INTU: variants seen among roughly 807,000 people sequenced by gnomAD.
INTU encodes protein inturned.
In INTU, 68 loss-of-function variants were observed where a neutral mutation model predicts 100.5. That is an observed-to-expected ratio of 0.68 (90% CI 0.56 to 0.83). The LOEUF is 0.83. Among genes scored for constraint, INTU ranks in the 40% least tolerant of loss-of-function variants. INTU has a pLI of 0.00. For synonymous variants in INTU, 357 were observed against 395.7 expected, an observed-to-expected ratio of 0.90 and a Z score of 1.16; for missense variants, 1,071 against 1,114.7, an observed-to-expected ratio of 0.96 and a Z score of 0.56.
At chr4:127,711,913 GA>G (rs1731110331) in intron 14 of INTU, among the ~76,000 whole-genome samples, 1 of 152,102 alleles carries the variant, frequency 6.6e-6, no homozygotes, top group Non-Finnish European at 1.5e-5. Flanking sequence ...AAGTTTCATT[GA>G]ATGTTGTTAT....
intron 6 of INTU, among the ~76,000 whole-genome samples, chr4:127,678,187 A>G (rs905890870): frequency 6.6e-6 from 1 of 152,206 alleles, no homozygotes; most frequent in African/African-American, 2.4e-5. Context: ...GCAGAATATT[A>G]TCCAGGAGAA....
intron 8 of INTU, among the ~76,000 whole-genome samples, chr4:127,695,436 C>T (rs1730340453): frequency 6.6e-6 from 1 of 151,970 alleles, no homozygotes; most frequent in African/African-American, 2.4e-5. Context: ...TGAAACCCTA[C>T]CTGTACCAAA....
chr4:127,667,871 C>T (rs945516780), intron 4 of INTU, among the ~76,000 whole-genome samples: 1 of 151,964 alleles, frequency 6.6e-6, no homozygotes, highest in South Asian at 2.1e-4. Context: ...GCAGATGTCT[C>T]CACTTTATTT....
At chr4:127,646,863 T>C (rs533627546) in intron 2 of INTU, among the ~76,000 whole-genome samples, 1 of 152,312 alleles carries the variant, frequency 6.6e-6, no homozygotes, top group East Asian at 1.9e-4. Flanking sequence ...GTAAATGCAT[T>C]GGCAGAAAAC....
chr4:127,636,177 G>A (rs1578518424), intron 1 of INTU, among the ~76,000 whole-genome samples: 1 of 152,214 alleles, frequency 6.6e-6, no homozygotes, highest in Non-Finnish European at 1.5e-5. Context: ...GCTGAGGCGG[G>A]AGGATCACTT....
intron 6 of INTU, chr4:127,675,963 G>C (rs1316476855): frequency 3.6e-6 from 1 of 280,070 alleles, no homozygotes; most frequent in Non-Finnish European, 7.8e-6. Context: ...CTCACTTCTT[G>C]AGGGGAAGAG....
At chr4:127,677,164 G>A (rs1176072331) in intron 6 of INTU, among the ~76,000 whole-genome samples, 1 of 152,182 alleles carries the variant, frequency 6.6e-6, no homozygotes, top group African/African-American at 2.4e-5. Flanking sequence ...CTCCACCTCT[G>A]GGGGCAGGGC....
intron 5 of INTU, 55 bp downstream of exon 5, chr4:127,669,209 C>A: frequency 3.7e-6 from 3 of 801,858 alleles, no homozygotes; most frequent in Admixed American, 2.3e-5. Flanking sequence ...TTTATTTCAC[C>A]CTGACAAAAT....
chr4:127,648,261 C>T (rs753677880), intron 2 of INTU, among the ~76,000 whole-genome samples: 4 of 152,032 alleles, frequency 2.6e-5, no homozygotes, highest in Non-Finnish European at 4.4e-5. Flanking sequence ...GTGCGATGTC[C>T]GGGAAGCCAG....
chr4:127,716,350 C>A lies in INTU; in HGVS notation c.2743C>A (p.Gln915Lys). The A allele has an allele frequency of 6.3e-7, 1 of 1,577,022 alleles. No homozygotes were observed. The highest frequency in any genetic ancestry group is 1.8e-5 in the Admixed American group (1 of 54,662). Residue 915 changes from glutamine (Q) to lysine (K), a missense_variant, in exon 16 of 16, where the codon CAA (glutamine) becomes AAA (lysine). Coordinates refer to ENST00000335251, the MANE Select transcript of INTU (RefSeq NM_015693.4). Reference sequence around the variant, plus strand: ...GAGACTTTTTCTTCATCCAAAACCTCAAGAACTTTATGTCTGTTTTCATGA... The same window carrying A: ...GAGACTTTTTCTTCATCCAAAACCTAAAGAACTTTATGTCTGTTTTCATGA... ...VGRLFLHPKP[Q>K]ELYVCFHDSV...
In INTU at chr4:127,700,056, C is replaced by T; in HGVS notation, c.1496C>T (p.Ala499Val). ...AGTGACTTGGAGGCTGCAGATTTTG[C>T]AGAACTGGTAAGGGAAGGAGTGGAT... ...ALSDLEAADF[A>V]ELSEDYYDMR... The change falls in exon 9 of 16, where the codon GCA (alanine) becomes GTA (valine). Residue 499 changes from alanine (A) to valine (V), a missense_variant. Ala to Val is a moderately conservative substitution (Grantham distance 64). Coordinates refer to ENST00000335251, the MANE Select transcript of INTU (RefSeq NM_015693.4). The T allele has an allele frequency of 6.2e-7, 1 of 1,601,378 alleles. No individual in the cohort carries two copies. Among genetic ancestry groups the T allele is most frequent in the Admixed American group, 1.7e-5 (1 of 58,554 alleles).
rs1222276889 is a variant in INTU, at chr4:127,723,367, T to G, written c.*6931T>G. 6.7e-6 allele frequency: 1 copy of G among 149,492 alleles called. No homozygotes were observed. Among genetic ancestry groups the G allele is most frequent in the Non-Finnish European group, 1.5e-5 (1 of 67,618 alleles). The allele number at this position is 149,492 out of a possible 1,614,324, so 9.3% of individuals were successfully genotyped here. A position where few individuals can be genotyped will look rare whatever the true frequency, so the allele number is the denominator to read the frequency against. On this transcript the variant is annotated 3_prime_UTR_variant, in exon 16 of 16. Coordinates refer to ENST00000335251, the MANE Select transcript of INTU (RefSeq NM_015693.4). The stretch of plus-strand genomic sequence containing the variant: ...GAGCAGAGCTGCCTCTCTTTGACCA[T>G]CTGGGCTCTCTGTTCTACTTTTTTT...
chr4:127,633,183 A>G lies in INTU; in HGVS notation c.146+3A>G. 6.2e-7 allele frequency: 1 copy of G among 1,611,820 alleles called. No individual in the cohort carries two copies. Among genetic ancestry groups the G allele is most frequent in the South Asian group, 1.1e-5 (1 of 91,000 alleles). ...TCCTCAGCGAGTAGCGATTATGAGT[A>G]AGGTTTTCAAAGAGGGACAATTAAT... On this transcript the variant is annotated splice_donor_region_variant and intron_variant, in intron 1 of 15. Transcript: ENST00000335251.
intron 15 of INTU, among the ~76,000 whole-genome samples, 180 bp from the exon 16 acceptor site, chr4:127,716,145 G>A (rs968731007): frequency 2.6e-5 from 4 of 152,036 alleles, no homozygotes; most frequent in African/African-American, 9.7e-5. Context: ...TTGACCTAAG[G>A]CATATATTAT....
At chr4:127,648,893 A>G (rs1402561125) in intron 2 of INTU, among the ~76,000 whole-genome samples, 1 of 151,988 alleles carries the variant, frequency 6.6e-6, no homozygotes, top group Non-Finnish European at 1.5e-5. Context: ...TTTTAAGAAA[A>G]GTTTGTCCAA....
chr4:127,706,385 A>C, intron 11 of INTU, 102 bp from the exon 12 acceptor site: 3 of 924,476 alleles, frequency 3.2e-6, no homozygotes, highest in South Asian at 1.8e-5. Flanking sequence ...TGATTATGCC[A>C]TAGGCCTCTA....
At chr4:127,660,058 A>T (rs542835728) in intron 3 of INTU, among the ~76,000 whole-genome samples, 1 of 152,326 alleles carries the variant, frequency 6.6e-6, no homozygotes, top group East Asian at 1.9e-4. Flanking sequence ...TTTGCATTTT[A>T]GGAATATATC....
intron 6 of INTU, among the ~76,000 whole-genome samples, chr4:127,677,346 AC>A (rs1553977845): frequency 6.6e-6 from 1 of 150,982 alleles, no homozygotes; most frequent in Non-Finnish European, 1.5e-5. Context: ...ACTGGGAGGC[AC>A]CCCCCAGTAG....
At chr4:127,663,884 C>CT (rs1474731530) in intron 4 of INTU, among the ~76,000 whole-genome samples, 1 of 151,968 alleles carries the variant, frequency 6.6e-6, no homozygotes, top group Non-Finnish European at 1.5e-5. Flanking sequence ...GTCTTTTTAG[C>CT]TTTTTTTGAT....
Sources: gnomAD v4.1 joint callset for allele counts (sites outside exome capture counted in the v4.1 genomes callset) on GRCh38, gnomAD v4.1.1 for gene constraint, MANE v1.5 for transcripts, NCBI Gene and HGNC (gene_info 2026-07-23, HGNC 2026-07-21) for gene names.